Variants in ADK observed in about 807,000 individuals in gnomAD.
The protein encoded by ADK is N6,N6-dimethyladenosine kinase.
ADK carries 24 observed loss-of-function variants against 44.7 expected under a neutral mutation model. The ratio of observed to expected loss-of-function variants is 0.54; its 90% CI spans 0.39 to 0.76. The LOEUF (loss-of-function observed/expected upper bound fraction) is 0.76, where lower values mean the gene tolerates loss of function less well. Ranked by LOEUF, ADK falls within the 30% of genes least tolerant of loss-of-function variation. ADK has a pLI of 0.00. For missense variants in ADK, 321 were observed against 425.1 expected (o/e 0.76, Z 2.15); for synonymous variants, 128 against 142.6 (o/e 0.90, Z 0.73).
chr10:74,245,594 GTT>G (rs11377208), intron 3 of ADK, among the ~76,000 whole-genome samples: 2 of 141,258 alleles, frequency 1.4e-5, no homozygotes. Context: ...TTTTGTTTTT[GTT>G]TTTTTTTTTT....
intron 10 of ADK, among the ~76,000 whole-genome samples, chr10:74,684,704 C>T (rs2134243583): frequency 6.6e-6 from 1 of 152,174 alleles, no homozygotes; most frequent in South Asian, 2.1e-4. Flanking sequence ...CTCAGGAGGT[C>T]AAGGCTGCAG....
chr10:74,420,539 T>C (rs911628414), intron 6 of ADK, among the ~76,000 whole-genome samples: 9 of 152,168 alleles, frequency 5.9e-5, no homozygotes, highest in Non-Finnish European at 1.0e-4. Flanking sequence ...TTCAAAATAT[T>C]TTTATGACCA....
At chr10:74,514,449 CTT>C (rs965737931) in intron 6 of ADK, among the ~76,000 whole-genome samples, 1 of 145,718 alleles carries the variant, frequency 6.9e-6, no homozygotes, top group Non-Finnish European at 1.5e-5. Flanking sequence ...TTTTCATTCT[CTT>C]TTTTTTTTTA....
chr10:74,471,533 C>CA (rs1425218562), intron 6 of ADK, among the ~76,000 whole-genome samples: 2 of 151,892 alleles, frequency 1.3e-5, no homozygotes, highest in African/African-American at 2.4e-5. Context: ...TCTATATCTG[C>CA]AAAAAAATGT....
At chr10:74,244,753 G>A (rs1308981277) in intron 3 of ADK, among the ~76,000 whole-genome samples, 1 of 152,020 alleles carries the variant, frequency 6.6e-6, no homozygotes, top group Non-Finnish European at 1.5e-5. Flanking sequence ...AGAAACTTAG[G>A]CTTGAATTCA....
intron 6 of ADK, among the ~76,000 whole-genome samples, chr10:74,400,223 T>A (rs1348472532): frequency 2.6e-5 from 4 of 152,144 alleles, no homozygotes; most frequent in Non-Finnish European, 5.9e-5. Context: ...ACAAAATGGA[T>A]TTCAGTTGTT....
chr10:74,319,401 G>A (rs1172965805), intron 4 of ADK, among the ~76,000 whole-genome samples: 1 of 152,124 alleles, frequency 6.6e-6, no homozygotes, highest in Admixed American at 6.5e-5. Flanking sequence ...CTGCCTCTTT[G>A]CGTGGTGGTT....
At chr10:74,394,915 A>G (rs1279960603) in intron 5 of ADK, among the ~76,000 whole-genome samples, 1 of 152,160 alleles carries the variant, frequency 6.6e-6, no homozygotes, top group Non-Finnish European at 1.5e-5. Flanking sequence ...AAGTATTCTT[A>G]ATATGAACTT....
At chr10:74,238,341 A>C (rs1279718056) in intron 3 of ADK, among the ~76,000 whole-genome samples, 3 of 152,218 alleles carry the variant, frequency 2.0e-5, no homozygotes, top group Non-Finnish European at 4.4e-5. Context: ...TCCACTGGCA[A>C]CGCGGAAATG....
At chr10:74,595,100 C>T (rs1376150781) in intron 8 of ADK, among the ~76,000 whole-genome samples, 1 of 146,022 alleles carries the variant, frequency 6.8e-6, no homozygotes, top group Non-Finnish European at 1.5e-5. Flanking sequence ...TTGCTTGAAC[C>T]AGGATGTGGA....
chr10:74,406,282 C>A (rs1413386945), intron 6 of ADK, among the ~76,000 whole-genome samples: 2 of 152,068 alleles, frequency 1.3e-5, no homozygotes, highest in African/African-American at 4.8e-5. Flanking sequence ...AGGAAGCCTG[C>A]TGCCATTCCT....
chr10:74,490,933 T>C (rs557824583), intron 6 of ADK, among the ~76,000 whole-genome samples: 177 of 152,306 alleles, frequency 1.2e-3, no homozygotes, highest in Middle Eastern at 3.4e-3. Context: ...CATGGATCTG[T>C]GATTATTTTA....
chr10:74,423,623 C>A, intron 6 of ADK: 1 of 366,320 alleles, frequency 2.7e-6, no homozygotes, highest in Non-Finnish European at 5.4e-6. Flanking sequence ...TCTGCATAGT[C>A]CTGTGCTTCG....
chr10:74,287,457 C>A (rs1220837641), intron 3 of ADK, among the ~76,000 whole-genome samples: 1 of 149,560 alleles, frequency 6.7e-6, no homozygotes, highest in Non-Finnish European at 1.5e-5. Flanking sequence ...GAGTGAGACT[C>A]CGTCTCAAAA....
At chr10:74,323,224 A>G (rs553042905) in intron 4 of ADK, among the ~76,000 whole-genome samples, 11 of 152,124 alleles carry the variant, frequency 7.2e-5, no homozygotes, top group African/African-American at 1.9e-4. Context: ...TTTTGGTCCT[A>G]TGGATGGTAT....
intron 7 of ADK, among the ~76,000 whole-genome samples, chr10:74,571,239 C>T (rs1850945227): frequency 6.6e-6 from 1 of 152,144 alleles, no homozygotes; most frequent in East Asian, 1.9e-4. Flanking sequence ...GGATATTGGT[C>T]TAAAATTCTC....
In ADK at chr10:74,547,397, A is replaced by T. The variant is rs11001066; in HGVS notation, c.726+21971A>T. Among the ~76,000 whole-genome samples the T allele has an allele frequency of 2.6e-3, 390 of 149,730 alleles. 5 individuals are homozygous for T. The highest frequency in any genetic ancestry group is 9.1e-3 in the African/African-American group (375 of 41,146). ...GTTCTGTGTATGTAAATTCTTAACC[A>T]ATTGAAATAGATTTTACATCATTTT... On this transcript the variant is annotated intron_variant, in intron 7 of 10. Transcript: ENST00000539909.
At chr10:74,688,308 C>T (rs1855864790) in intron 10 of ADK, among the ~76,000 whole-genome samples, 1 of 152,124 alleles carries the variant, frequency 6.6e-6, no homozygotes, top group Non-Finnish European at 1.5e-5. Context: ...TATTTGTTTA[C>T]TTGTTTTTGT....
chr10:74,202,087 C>A (rs1053897274), intron 2 of ADK, among the ~76,000 whole-genome samples: 1 of 152,106 alleles, frequency 6.6e-6, no homozygotes, highest in Non-Finnish European at 1.5e-5. Context: ...AGTAGTCATT[C>A]GCTATTCCCT....
Sources: allele counts gnomAD v4.1 joint callset (sites outside exome capture counted in the v4.1 genomes callset), GRCh38; gene constraint gnomAD v4.1.1; transcripts MANE v1.5; gene names NCBI Gene and HGNC (gene_info 2026-07-23, HGNC 2026-07-21).